The following DOCK9 variants were observed in gnomAD, a reference collection of about 807,000 sequenced individuals.
DOCK9 encodes dedicator of cytokinesis 9.
DOCK9 carries 89 observed loss-of-function variants against 263.3 expected under a neutral mutation model. That is an observed-to-expected ratio of 0.34 (90% confidence interval 0.28 to 0.40). The LOEUF is 0.40. DOCK9 is among the 10% of genes least tolerant of loss of function. The pLI is 1.00. For missense variants in DOCK9, 2,140 were observed against 2,603.4 expected (o/e 0.82, Z 3.87); for synonymous variants, 976 against 973.1 (o/e 1.00, Z -0.06).
Position 98,805,010 on chromosome 13 carries a change from G to A in DOCK9, c.5714C>T (p.Thr1905Ile). 2 of 1,603,860 alleles carry A rather than the reference G, an allele frequency of 1.2e-6. No individual in the cohort carries two copies. The highest frequency in any genetic ancestry group is 1.7e-6 in the Non-Finnish European group (2 of 1,175,338). The part of the protein sequence containing the change: ...GGVEEQCKRR[T>I]ILTAIHCFPY... Reference sequence around the variant, plus strand: ...TCTGGGGCCCATACCTGTCAGGATGGTGCGCCGTTTGCACTGCTCTTCCAC... The same window carrying A: ...TCTGGGGCCCATACCTGTCAGGATGATGCGCCGTTTGCACTGCTCTTCCAC... Residue 1905 changes from threonine (T) to isoleucine (I), a missense_variant, in exon 49 of 53, where the codon ACC (threonine) becomes ATC (isoleucine). By Grantham distance (89) the Thr-to-Ile change is moderately conservative. Transcript: ENST00000682017.
intron 7 of DOCK9, among the ~76,000 whole-genome samples, chr13:98,917,233 A>T (rs192612960): frequency 6.6e-6 from 1 of 152,338 alleles, no homozygotes; most frequent in East Asian, 1.9e-4. Flanking sequence ...ACTCTCTTAT[A>T]AAACAAAAAT....
chr13:98,801,274 G>C (rs1194471702), intron 49 of DOCK9, among the ~76,000 whole-genome samples: 1 of 152,096 alleles, frequency 6.6e-6, no homozygotes, highest in Non-Finnish European at 1.5e-5. Flanking sequence ...TACAGAGTGA[G>C]ACCCTGTCTC....
intron 9 of DOCK9, among the ~76,000 whole-genome samples, chr13:98,905,551 G>A (rs2048956053): frequency 6.6e-6 from 1 of 151,788 alleles, no homozygotes; most frequent in Non-Finnish European, 1.5e-5. Context: ...CCTGAGCAAT[G>A]ACCAAGTCAC....
At chr13:98,966,730 A>G (rs879849590) in intron 1 of DOCK9, among the ~76,000 whole-genome samples, 1 of 152,254 alleles carries the variant, frequency 6.6e-6, no homozygotes, top group Admixed American at 6.5e-5. Context: ...TTCACAAAAC[A>G]GTTTCTGCAG....
In DOCK9 at chr13:98,867,989, CT is replaced by C; in HGVS notation, c.3112del (p.Arg1038GlyfsTer33). 2 of 1,613,712 alleles carry C rather than the reference CT, an allele frequency of 1.2e-6. 1 individual carries two copies. The highest frequency in any genetic ancestry group is 2.2e-5 in the South Asian group (2 of 90,926). ...FIKRCFTFMD[R>X]GFVFKQINNY... is the part of the protein sequence containing the mutation. ...GTTGATCTGCTTGAAGACAAAGCCC[CT>C]GTCCATGAAGGTGAAACATCTCTGT... On this transcript the variant is annotated frameshift_variant, in exon 29 of 53. Coordinates refer to ENST00000682017, the MANE Select transcript of DOCK9 (RefSeq NM_001366683.2). LOFTEE classifies it high-confidence loss of function.
chr13:99,057,354 A>G (rs529027707), intron 1 of DOCK9, among the ~76,000 whole-genome samples: 1 of 152,354 alleles, frequency 6.6e-6, no homozygotes, highest in East Asian at 1.9e-4. Context: ...TTACAGCACA[A>G]AACAGGTAAC....
At chr13:98,885,524 G>A (rs1464563965) in intron 20 of DOCK9, 184 bp downstream of exon 20, 8 of 540,494 alleles carry the variant, frequency 1.5e-5, no homozygotes, top group Admixed American at 4.7e-5. Context: ...AGGACAGCTT[G>A]AGCTCAAAAA....
intron 1 of DOCK9, among the ~76,000 whole-genome samples, chr13:98,989,683 A>G (rs1308763705): frequency 1.3e-5 from 2 of 152,242 alleles, no homozygotes; most frequent in Non-Finnish European, 2.9e-5. Context: ...ATTGAAGCCA[A>G]AAGTTTACCA....
chr13:98,856,289 C>A, intron 33 of DOCK9: 1 of 327,534 alleles, frequency 3.1e-6, no homozygotes, highest in Non-Finnish European at 5.6e-6. Context: ...AGACTAAATG[C>A]ATACCTGTTT....
rs752197015 is a variant in DOCK9 at position 98,797,147 on chromosome 13, C to T, written c.6124G>A (p.Ala2042Thr). Residue 2042 changes from alanine (A) to threonine (T), a missense_variant, in exon 52 of 53, where the codon GCG becomes ACG. This residue lies in a region of DOCK9 where 619 missense variants were observed against 861.8 expected (regional missense o/e 0.72). Coordinates refer to ENST00000682017, the MANE Select transcript of DOCK9 (RefSeq NM_001366683.2). Reference protein sequence around the residue: ...EEMKANYREMAKELSEIMHEQ... With the variant: ...EEMKANYREMTKELSEIMHEQ... The stretch of plus-strand genomic sequence containing the variant: ...TGCATGATTTCAGAAAGCTCCTTCG[C>T]CATTTCCCTGTAGTTGGCTTTCATT... 10 of 1,613,890 alleles carry T rather than the reference C, an allele frequency of 6.2e-6. No homozygotes were observed. Among genetic ancestry groups the T allele is most frequent in the African/African-American group, 1.3e-5 (1 of 74,920 alleles).
At chr13:98,896,097 T>C (rs1348609787) in intron 15 of DOCK9, among the ~76,000 whole-genome samples, 1 of 152,228 alleles carries the variant, frequency 6.6e-6, no homozygotes, top group Non-Finnish European at 1.5e-5. Flanking sequence ...ACTGCTTTGC[T>C]GAACAGGCCA....
chr13:98,846,819 G>T (rs1427230522), intron 37 of DOCK9: 1 of 352,114 alleles, frequency 2.8e-6, no homozygotes, highest in South Asian at 2.2e-5. Flanking sequence ...CATCAAACTC[G>T]ACCACCGTGG....
intron 2 of DOCK9, among the ~76,000 whole-genome samples, chr13:98,937,692 A>G (rs1252273962): frequency 7.0e-6 from 1 of 143,066 alleles, no homozygotes; most frequent in Non-Finnish European, 1.5e-5. Flanking sequence ...CTCAATATTT[A>G]TGGGACAGTT....
chr13:98,939,517 C>T (rs2055463845), intron 2 of DOCK9, among the ~76,000 whole-genome samples: 1 of 152,170 alleles, frequency 6.6e-6, no homozygotes, highest in South Asian at 2.1e-4. Context: ...CACCTGAGGA[C>T]CTTATGCATT....
chr13:98,979,209 A>G (rs1876300393), upstream of DOCK9, among the ~76,000 whole-genome samples: 2 of 128,470 alleles, frequency 1.6e-5, no homozygotes. Context: ...TAGTAGTAGT[A>G]GTAGTAGTAG....
intron 1 of DOCK9, among the ~76,000 whole-genome samples, chr13:99,004,809 A>ACACACACAGTCACATGTACTT (rs1422470383): frequency 3.3e-5 from 5 of 152,000 alleles, no homozygotes; most frequent in African/African-American, 1.2e-4. Flanking sequence ...ACACACACAC[A>ACACACACAGTCACATGTACTT]CACACACACA....
intron 7 of DOCK9, among the ~76,000 whole-genome samples, chr13:98,917,610 C>G (rs996034518): frequency 3.4e-5 from 5 of 149,230 alleles, no homozygotes; most frequent in African/African-American, 1.2e-4. Flanking sequence ...AACGTGGGCC[C>G]AAATATACTT....
intron 1 of DOCK9, among the ~76,000 whole-genome samples, chr13:99,075,437 T>C (rs1566394860): frequency 6.8e-6 from 1 of 147,442 alleles, no homozygotes; most frequent in Non-Finnish European, 1.5e-5. Flanking sequence ...ACTGCAGCCA[T>C]GACTTCCTGG....
At chr13:99,083,420 G>C (rs763410026) in intron 1 of DOCK9, among the ~76,000 whole-genome samples, 24 of 152,248 alleles carry the variant, frequency 1.6e-4, no homozygotes, top group Middle Eastern at 3.4e-3. Context: ...ATTTTATTAT[G>C]ACACAGTTAT....
Sources: allele counts gnomAD v4.1 joint callset (sites outside exome capture counted in the v4.1 genomes callset), GRCh38; gene constraint gnomAD v4.1.1; regional missense constraint gnomAD v4.1.1; transcripts MANE v1.5; gene names NCBI Gene and HGNC (gene_info 2026-07-23, HGNC 2026-07-21).